Variants in STX8 observed in about 807,000 individuals in gnomAD.
STX8 encodes the protein syntaxin-8.
In STX8, 23 loss-of-function variants were observed where a neutral mutation model predicts 37.5. That is an observed-to-expected ratio of 0.61 (90% CI 0.44 to 0.87). STX8 has a LOEUF of 0.87. STX8 is among the 40% of genes least tolerant of loss of function. The pLI, the probability that STX8 is intolerant of heterozygous loss-of-function variation, is 0.00. For missense variants in STX8, 313 were observed against 284.7 expected, an observed-to-expected ratio of 1.10 and a Z score of -0.71; for synonymous variants, 115 against 99.1, an observed-to-expected ratio of 1.16 and a Z score of -0.95.
chr17:9,448,542 C>CAAGAAGGCTGCAAT (rs775629441), intron 6 of STX8, among the ~76,000 whole-genome samples: 29,749 of 151,884 alleles, frequency 0.2, 3,752 homozygotes, highest in East Asian at 0.63. Flanking sequence ...CTGCAATGTG[C>CAAGAAGGCTGCAAT]GTTACGGAGA....
intron 6 of STX8, among the ~76,000 whole-genome samples, chr17:9,429,658 G>A (rs12945721): frequency 0.56 from 70,385 of 125,032 alleles, 21,368 homozygotes; most frequent in African/African-American, 0.79. Context: ...AGCTGAGATC[G>A]CGTCACTGCA....
intron 7 of STX8, among the ~76,000 whole-genome samples, chr17:9,348,706 A>G (rs1910609184): frequency 6.6e-6 from 1 of 152,182 alleles, no homozygotes; most frequent in African/African-American, 2.4e-5. Flanking sequence ...CATCCGAACA[A>G]TTTCACCACA....
intron 5 of STX8, among the ~76,000 whole-genome samples, chr17:9,503,686 A>G (rs1904709190): frequency 6.6e-6 from 1 of 152,206 alleles, no homozygotes; most frequent in African/African-American, 2.4e-5. Context: ...AGCTGATTTT[A>G]AAAAGCAGAA....
intron 7 of STX8, among the ~76,000 whole-genome samples, chr17:9,326,550 C>T (rs1028112468): frequency 3.3e-5 from 5 of 152,154 alleles, no homozygotes; most frequent in Admixed American, 1.3e-4. Flanking sequence ...CTCATAGCTA[C>T]GAGCTTTTTC....
intron 7 of STX8, among the ~76,000 whole-genome samples, chr17:9,358,310 T>C (rs982179737): frequency 2.0e-5 from 3 of 152,130 alleles, no homozygotes; most frequent in Admixed American, 1.3e-4. Context: ...GGTATGACCA[T>C]GCCACTGCAC....
chr17:9,409,343 G>A (rs1912906304), intron 6 of STX8, among the ~76,000 whole-genome samples: 1 of 152,114 alleles, frequency 6.6e-6, no homozygotes, highest in Non-Finnish European at 1.5e-5. Context: ...AAGTGCTAAG[G>A]AGAATCTGGC....
At chr17:9,568,281 G>A in intron 2 of STX8, 90 bp downstream of exon 2, 1 of 911,036 alleles carries the variant, frequency 1.1e-6, no homozygotes, top group Non-Finnish European at 1.7e-6. Context: ...ATACACACAT[G>A]TGCACAGACA....
chr17:9,530,964 T>C (rs1331596188), intron 4 of STX8, among the ~76,000 whole-genome samples: 5 of 152,270 alleles, frequency 3.3e-5, no homozygotes, highest in Non-Finnish European at 2.9e-5. Flanking sequence ...TTTAGATCTA[T>C]AATCCTTTTG....
intron 7 of STX8, among the ~76,000 whole-genome samples, chr17:9,315,137 A>G (rs1909339327): frequency 6.6e-6 from 1 of 151,612 alleles, no homozygotes; most frequent in African/African-American, 2.4e-5. Context: ...CAACAATAGT[A>G]ACAAAAACAA....
At chr17:9,297,509 C>T (rs2551801) in intron 7 of STX8, among the ~76,000 whole-genome samples, 135,381 of 152,250 alleles carry the variant, frequency 0.89, 60,412 homozygotes, top group African/African-American at 0.95. Flanking sequence ...TTTCAGCATT[C>T]GTGACTTCTC....
chr17:9,470,722 GCTTTTTT>G (rs1290034803), intron 6 of STX8, among the ~76,000 whole-genome samples: 4 of 152,108 alleles, frequency 2.6e-5, no homozygotes, highest in African/African-American at 7.2e-5. Context: ...AGGCCTAACT[GCTTTTTT>G]CTTTTTTCTT....
intron 7 of STX8, among the ~76,000 whole-genome samples, chr17:9,315,271 A>G (rs1302005282): frequency 2.0e-5 from 3 of 151,314 alleles, no homozygotes; most frequent in Non-Finnish European, 4.4e-5. Context: ...TTCTTTCCTA[A>G]GAGTTAAAAA....
intron 4 of STX8, among the ~76,000 whole-genome samples, chr17:9,535,679 G>T (rs183786746): frequency 2.6e-5 from 4 of 151,692 alleles, no homozygotes; most frequent in African/African-American, 9.7e-5. Context: ...TGATCTGCCC[G>T]CCTTGGCCTC....
intron 6 of STX8, among the ~76,000 whole-genome samples, chr17:9,459,984 C>A (rs948071973): frequency 1.3e-5 from 2 of 152,194 alleles, no homozygotes; most frequent in Non-Finnish European, 1.5e-5. Flanking sequence ...GCTGGCAAGA[C>A]AGAAATGTGG....
intron 7 of STX8, among the ~76,000 whole-genome samples, chr17:9,274,718 C>T (rs57336535): frequency 0.21 from 17,648 of 85,898 alleles, 3,052 homozygotes; most frequent in Middle Eastern, 0.27. Context: ...TAATAATAAA[C>T]AAAGTCTTCA....
At chr17:9,439,030 G>A (rs1049119077) in intron 6 of STX8, among the ~76,000 whole-genome samples, 2 of 151,982 alleles carry the variant, frequency 1.3e-5, no homozygotes, top group African/African-American at 4.8e-5. Context: ...ACTAAGGTTT[G>A]GATTTCATAT....
rs527784419 is a variant in STX8 at position 9,371,908 on chromosome 17, T to G, written c.643+6644A>C. On this transcript the variant is annotated intron_variant, in intron 7 of 7. Coordinates refer to ENST00000306357, the MANE Select transcript of STX8 (RefSeq NM_004853.3). ...ACTACTGCAATTCTGTTCAGATTCA[T>G]GTCCATGGTCTATTGCTGGTCCTCA... 1.1e-3 allele frequency among the ~76,000 whole-genome samples: 172 copies of G among 152,332 alleles called. 1 individual carries two copies. Among genetic ancestry groups the G allele is most frequent in the African/African-American group, 3.9e-3 (163 of 41,578 alleles).
chr17:9,556,796 CACAT>C (rs1348430999), intron 3 of STX8: 2 of 19,288 alleles, frequency 1.0e-4, no homozygotes, highest in Non-Finnish European at 2.2e-4. Context: ...TATATATATA[CACAT>C]ACATATATAT....
intron 6 of STX8, among the ~76,000 whole-genome samples, chr17:9,476,284 A>C (rs948994283): frequency 6.6e-6 from 1 of 152,238 alleles, no homozygotes; most frequent in Non-Finnish European, 1.5e-5. Context: ...GAATCAATGA[A>C]GAATTAGCAG....
Sources: allele counts gnomAD v4.1 joint callset (sites outside exome capture counted in the v4.1 genomes callset), GRCh38; gene constraint gnomAD v4.1.1; transcripts MANE v1.5; gene names NCBI Gene and HGNC (gene_info 2026-07-23, HGNC 2026-07-21).